Variants in PLAGL1 observed in about 807,000 individuals in gnomAD.
The protein encoded by PLAGL1 is zinc finger protein PLAGL1.
In PLAGL1, 1 loss-of-function variant was observed where a neutral mutation model predicts 4.6. The observed-to-expected ratio is 0.22, with a 90% CI of 0.08 to 1.03. The LOEUF (loss-of-function observed/expected upper bound fraction) is 1.03. PLAGL1 is among the 50% of genes least tolerant of loss of function. PLAGL1 has a pLI of 0.58. For missense variants in PLAGL1, 464 were observed against 570.4 expected (o/e 0.81, Z 1.90); for synonymous variants, 240 against 237.8 (o/e 1.01, Z -0.08).
intron 1 of PLAGL1, among the ~76,000 whole-genome samples, chr6:144,041,938 G>A (rs1048459159): frequency 3.3e-5 from 5 of 152,208 alleles, no homozygotes; most frequent in Non-Finnish European, 7.3e-5. Context: ...ACCAAGTGAT[G>A]ATGAGCATTT....
chr6:144,031,215 G>A (rs1796799676), intron 1 of PLAGL1, among the ~76,000 whole-genome samples: 1 of 152,094 alleles, frequency 6.6e-6, no homozygotes, highest in African/African-American at 2.4e-5. Flanking sequence ...TATTCTTGCT[G>A]ATTTGTTTGA....
At chr6:144,001,065 A>C (rs1039905106) in intron 1 of PLAGL1, among the ~76,000 whole-genome samples, 1 of 152,114 alleles carries the variant, frequency 6.6e-6, no homozygotes, top group African/African-American at 2.4e-5. Flanking sequence ...ACCATCCTCC[A>C]ATAAAAGGAA....
chr6:143,959,244 C>T lies in PLAGL1; in HGVS notation c.-325+1225G>A, dbSNP rs1046047897. On this transcript the variant is annotated intron_variant, in intron 6 of 7. Coordinates refer to ENST00000674357, the MANE Select transcript of PLAGL1 (RefSeq NM_001317162.2). This position sits in a 1 kb window ranked among gnomAD's most constrained non-coding sequence, Gnocchi z 5.3. The stretch of plus-strand genomic sequence containing the variant: ...AATCATACTGTCCACCCTGCTTTGG[C>T]TGGCCCCCTTCAGCTCCTGAGACAG... Among the ~76,000 whole-genome samples, 3 of 152,186 alleles carry T rather than the reference C, an allele frequency of 2.0e-5. No homozygotes were observed. Among genetic ancestry groups the T allele is most frequent in the African/African-American group, 7.2e-5 (3 of 41,448 alleles).
At chr6:144,014,497 A>C (rs1795434590) in intron 1 of PLAGL1, among the ~76,000 whole-genome samples, 1 of 152,170 alleles carries the variant, frequency 6.6e-6, no homozygotes, top group African/African-American at 2.4e-5. Context: ...GGTACTGACA[A>C]AAGACAGCAG....
rs1296920738 is a variant in PLAGL1, at chr6:143,941,671, G to A, written c.1145C>T (p.Pro382Leu). The change falls in exon 8 of 8, where the codon CCC (proline) becomes CTC (leucine). Residue 382 changes from proline (P) to leucine (L), a missense_variant. Around this residue, in one of 4 missense-constraint regions of PLAGL1, gnomAD observed 248 missense variants for 250.1 expected, o/e 0.99. Transcript: ENST00000674357. The surrounding 1 kb of genome is among the most constrained non-coding windows in gnomAD (Gnocchi z 6.0). ...LTIPASLDLS[P>L]LLGFWQLPPP... ...GGGCAGCTGCCAGAAGCCCAACAGG[G>A]GGGACAGGTCCAGAGAGGCAGGTAT... 4 of 1,614,104 alleles carry A rather than the reference G, an allele frequency of 2.5e-6. No homozygotes were observed. Among genetic ancestry groups the A allele is most frequent in the Admixed American group, 1.7e-5 (1 of 60,006 alleles).
Position 143,994,599 on chromosome 6 carries a change from A to T in PLAGL1, c.-583-9425T>A, listed in dbSNP as rs1395565114. Among the ~76,000 whole-genome samples, 3 of 152,230 alleles carry T rather than the reference A, an allele frequency of 2.0e-5. No individual in the cohort carries two copies. The highest frequency in any genetic ancestry group is 4.4e-5 in the Non-Finnish European group (3 of 68,034). Reference sequence around the variant, plus strand: ...ACTACTATTATTCGCAAAAAAATGTATGGAAGATGATGAGAGACAGCAGTG... The same window carrying T: ...ACTACTATTATTCGCAAAAAAATGTTTGGAAGATGATGAGAGACAGCAGTG... On this transcript the variant is annotated intron_variant, in intron 1 of 7. Coordinates refer to ENST00000674357, the MANE Select transcript of PLAGL1 (RefSeq NM_001317162.2). This position sits in a 1 kb window ranked among gnomAD's most constrained non-coding sequence, Gnocchi z 4.3.
chr6:144,057,946 T>C (rs369232381), intron 1 of PLAGL1, among the ~76,000 whole-genome samples: 1 of 152,228 alleles, frequency 6.6e-6, no homozygotes, highest in Non-Finnish European at 1.5e-5. Context: ...AATGAATACT[T>C]GACCATCTCT....
Position 144,006,901 on chromosome 6 carries a change from A to G in PLAGL1, c.-584+1189T>C, listed in dbSNP as rs77566844. ...GAGGGGGAGAGAGATTCATAAAGCG[A>G]ACACCCCTATGACCTGAGAGACACT... On this transcript the variant is annotated intron_variant, in intron 1 of 7. Transcript: ENST00000674357. This position sits in a 1 kb window ranked among gnomAD's most constrained non-coding sequence, Gnocchi z 4.3. The G allele has an allele frequency of 6.6e-6, 1 of 152,150 alleles. No homozygotes were observed. Among genetic ancestry groups the G allele is most frequent in the African/African-American group, 2.4e-5 (1 of 41,430 alleles). 9.4% of individuals were successfully genotyped at this position (152,150 alleles called of 1,614,324 possible).
rs554029366 is a variant in PLAGL1, at chr6:143,958,533, C to T, written c.-325+1936G>A. On this transcript the variant is annotated intron_variant, in intron 6 of 7. Coordinates refer to ENST00000674357, the MANE Select transcript of PLAGL1 (RefSeq NM_001317162.2). The surrounding 1 kb of genome is among the most constrained non-coding windows in gnomAD (Gnocchi z 5.1). ...TCCAGAAGCATGCCTGTCTGCCTCT[C>T]GGGACACAGGCCGTACTTTATTAGA... 6.6e-6 allele frequency among the ~76,000 whole-genome samples: 1 copy of T among 152,250 alleles called. No individual in the cohort carries two copies. The highest frequency in any genetic ancestry group is 2.4e-5 in the African/African-American group (1 of 41,542).
chr6:144,010,027 T>C (rs1306734492), upstream of PLAGL1, among the ~76,000 whole-genome samples: 1 of 152,208 alleles, frequency 6.6e-6, no homozygotes, highest in Non-Finnish European at 1.5e-5. This position sits in a 1 kb window ranked among gnomAD's most constrained non-coding sequence, Gnocchi z 4.1. Flanking sequence ...TCTTTGGGTA[T>C]ATACCCAGTA....
rs1244614322 is a variant in PLAGL1, at chr6:143,940,311, GAA to G, written c.*1111_*1112del. 1 of 152,122 alleles carries G rather than the reference GAA, an allele frequency of 6.6e-6. No individual in the cohort carries two copies. Among genetic ancestry groups the G allele is most frequent in the East Asian group, 1.9e-4 (1 of 5,194 alleles). 9.4% of individuals were successfully genotyped at this position (152,122 alleles called of 1,614,324 possible). On this transcript the variant is annotated 3_prime_UTR_variant, in exon 8 of 8. Transcript: ENST00000674357. ...TTAATCAAGCCAAATTGCAAGATTTGAAAAGTTTATTATATGTAAGATATATG... is the reference window on the plus strand; with the variant it reads ...TTAATCAAGCCAAATTGCAAGATTTGAAGTTTATTATATGTAAGATATATG...
chr6:144,031,665 T>C (rs1176174934), intron 1 of PLAGL1, among the ~76,000 whole-genome samples: 2 of 152,212 alleles, frequency 1.3e-5, no homozygotes, highest in African/African-American at 2.4e-5. Context: ...ACTGTAAGTA[T>C]TTGGCTTTAT....
At position 143,961,763 on chromosome 6, in the gene PLAGL1, T is replaced by G. The variant is rs1203850435; in HGVS notation, c.-398-1221A>C. 7.2e-5 allele frequency among the ~76,000 whole-genome samples: 11 copies of G among 152,290 alleles called. No homozygotes were observed. In the East Asian group the frequency reaches 2.1e-3, roughly 29 times the overall value. On this transcript the variant is annotated intron_variant, in intron 5 of 7. Transcript: ENST00000674357. The surrounding 1 kb of genome is among the most constrained non-coding windows in gnomAD (Gnocchi z 6.5). ...TTTTTGAAAGAGCTTTAAAAAGACATTAAAGCAAAAGAGTAAAATTCTTCC... is the reference window on the plus strand; with the variant it reads ...TTTTTGAAAGAGCTTTAAAAAGACAGTAAAGCAAAAGAGTAAAATTCTTCC...
At chr6:144,002,875 C>G (rs1793206538) in intron 1 of PLAGL1, among the ~76,000 whole-genome samples, 1 of 112,836 alleles carries the variant, frequency 8.9e-6, no homozygotes, top group South Asian at 3.0e-4. Flanking sequence ...AATCAAAATT[C>G]TGGTAGGCTT....
In PLAGL1 at chr6:144,061,847, T is replaced by C. The variant is rs1380108795; in HGVS notation, c.-151+2621A>G. 6.6e-6 allele frequency among the ~76,000 whole-genome samples: 1 copy of C among 152,114 alleles called. No individual in the cohort carries two copies. The highest frequency in any genetic ancestry group is 1.9e-4 in the East Asian group (1 of 5,202). On this transcript the variant is annotated intron_variant, in intron 1 of 3. Transcript: ENST00000437412. This position sits in a 1 kb window ranked among gnomAD's most constrained non-coding sequence, Gnocchi z 4.4. ...TCTTACGATTTTCCTTTTGTGCACTTCTCCTCTGTTGTCATTCCAACCTTC... is the reference window on the plus strand; with the variant it reads ...TCTTACGATTTTCCTTTTGTGCACTCCTCCTCTGTTGTCATTCCAACCTTC...
rs1791217924 is a variant in PLAGL1 at position 143,994,508 on chromosome 6, G to A, written c.-583-9334C>T. 6.6e-6 allele frequency among the ~76,000 whole-genome samples: 1 copy of A among 152,232 alleles called. No individual in the cohort carries two copies. The highest frequency in any genetic ancestry group is 1.5e-5 in the Non-Finnish European group (1 of 68,048). ...AAGTGCGGACAGATTTAACAAGGCAGCCCTACTTCACAGTAGCTCTTGAAA... is the reference window on the plus strand; with the variant it reads ...AAGTGCGGACAGATTTAACAAGGCAACCCTACTTCACAGTAGCTCTTGAAA... On this transcript the variant is annotated intron_variant, in intron 1 of 7. Coordinates refer to ENST00000674357, the MANE Select transcript of PLAGL1 (RefSeq NM_001317162.2). The surrounding 1 kb of genome is among the most constrained non-coding windows in gnomAD (Gnocchi z 4.3).
Position 144,016,245 on chromosome 6 carries a change from T to C in PLAGL1, c.-150-47267A>G, listed in dbSNP as rs1339873937. Reference sequence around the variant, plus strand: ...GTCCGAGTCCCAAAACTGAAGAACTTGGAGTCTGATGTTAGAGGGCAGGAA... The same window carrying C: ...GTCCGAGTCCCAAAACTGAAGAACTCGGAGTCTGATGTTAGAGGGCAGGAA... On this transcript the variant is annotated intron_variant, in intron 1 of 3. Transcript: ENST00000437412. The surrounding 1 kb of genome is among the most constrained non-coding windows in gnomAD (Gnocchi z 4.2). Among the ~76,000 whole-genome samples the C allele has an allele frequency of 3.9e-5, 6 of 152,148 alleles. No homozygotes were observed. The highest frequency in any genetic ancestry group is 7.3e-5 in the Non-Finnish European group (5 of 68,030).
rs759207143 is a variant in PLAGL1 at position 143,972,914 on chromosome 6, TATAAC to T, written c.-543-3941_-543-3937del. ...TTATTATGCAGACCATATTCCTACT[TATAAC>T]ATAGTTGTGACAAAACCTCCATTGT... On this transcript the variant is annotated intron_variant, in intron 2 of 7. Coordinates refer to ENST00000674357, the MANE Select transcript of PLAGL1 (RefSeq NM_001317162.2). The surrounding 1 kb of genome is among the most constrained non-coding windows in gnomAD (Gnocchi z 6.8). 5.9e-5 allele frequency among the ~76,000 whole-genome samples: 9 copies of T among 152,214 alleles called. No individual in the cohort carries two copies. The highest frequency in any genetic ancestry group is 1.2e-4 in the Non-Finnish European group (8 of 68,042).
chr6:144,013,074 C>T (rs1298172822), upstream of PLAGL1, among the ~76,000 whole-genome samples: 1 of 152,226 alleles, frequency 6.6e-6, no homozygotes, highest in Non-Finnish European at 1.5e-5. The surrounding 1 kb of genome is among the most constrained non-coding windows in gnomAD (Gnocchi z 4.4). Flanking sequence ...AGCGTGGTCA[C>T]TGTAGTAGAC....
Sources: gnomAD v4.1 joint callset for allele counts (sites outside exome capture counted in the v4.1 genomes callset) on GRCh38, gnomAD v4.1.1 for gene constraint, gnomAD v4.1.1 regional missense constraint, Gnocchi (gnomAD v3.1) non-coding constraint, MANE v1.5 for transcripts, NCBI Gene and HGNC (gene_info 2026-07-23, HGNC 2026-07-21) for gene names.